PLXND1: variants seen among roughly 807,000 people sequenced by gnomAD.
The protein encoded by PLXND1 is plexin-D1.
PLXND1 carries 54 observed loss-of-function variants against 197.7 expected under a neutral mutation model. The observed-to-expected ratio is 0.27, with a 90% CI of 0.22 to 0.34. The LOEUF is 0.34. Among genes scored for constraint, PLXND1 ranks in the 10% least tolerant of loss-of-function variants. The pLI, the probability that PLXND1 is intolerant of heterozygous loss-of-function variation, is 1.00. For missense variants in PLXND1, 2,127 were observed against 2,699.2 expected (o/e 0.79, Z 4.70); for synonymous variants, 1,180 against 1,161.2 (o/e 1.02, Z -0.33).
At chr3:129,570,225 G>A (rs1019786391) in intron 19 of PLXND1, among the ~76,000 whole-genome samples, 3 of 152,178 alleles carry the variant, frequency 2.0e-5, no homozygotes, top group African/African-American at 7.2e-5. Context: ...GGAGTAGTGA[G>A]TGAGCAAGAG....
rs2085791324 is a variant in PLXND1, at chr3:129,606,188, C to T, written c.452G>A (p.Arg151Gln). 6.4e-7 allele frequency: 1 copy of T among 1,556,478 alleles called. No homozygotes were observed. The highest frequency in any genetic ancestry group is 8.6e-7 in the Non-Finnish European group (1 of 1,157,786). Residue 151 changes from arginine to glutamine, a missense_variant, in exon 1 of 36, where the codon CGG (arginine) becomes CAG (glutamine). Transcript: ENST00000324093. ...GSIYQGFCQL[R>Q]RRGNISAVAV... Reference sequence around the variant, plus strand: ...CACGGCCGAGATGTTGCCCCGGCGCCGCAGCTGGCAGAAGCCCTGGTAGAT... The same window carrying T: ...CACGGCCGAGATGTTGCCCCGGCGCTGCAGCTGGCAGAAGCCCTGGTAGAT...
chr3:129,563,287 G>A, intron 25 of PLXND1, 47 bp from the exon 26 acceptor site: 1 of 1,523,144 alleles, frequency 6.6e-7, no homozygotes, highest in Non-Finnish European at 8.8e-7. Context: ...CTGTATTCCA[G>A]CCCCCATGCT....
intron 12 of PLXND1, among the ~76,000 whole-genome samples, chr3:129,573,981 G>A (rs961584588): frequency 2.0e-5 from 3 of 152,340 alleles, no homozygotes; most frequent in Non-Finnish European, 4.4e-5. Context: ...TACTTAGGGG[G>A]TCTCCTGGAG....
intron 1 of PLXND1, among the ~76,000 whole-genome samples, chr3:129,589,740 C>T (rs1305297547): frequency 1.3e-5 from 2 of 152,176 alleles, no homozygotes; most frequent in African/African-American, 4.8e-5. Context: ...CAGAGCTGTT[C>T]CAAGGAGATG....
Position 129,555,727 on chromosome 3 carries a change from C to T in PLXND1, c.*585G>A, listed in dbSNP as rs1302685890. 3.3e-5 allele frequency: 17 copies of T among 509,830 alleles called. No homozygotes were observed. Among genetic ancestry groups the T allele is most frequent in the South Asian group, 1.2e-4 (4 of 34,032 alleles). 31.6% of individuals were successfully genotyped at this position (509,830 alleles called of 1,614,324 possible). A position where few individuals can be genotyped will look rare whatever the true frequency, so the allele number is the denominator to read the frequency against. On this transcript the variant is annotated 3_prime_UTR_variant, in exon 36 of 36. Coordinates refer to ENST00000324093, the MANE Select transcript of PLXND1 (RefSeq NM_015103.3). Reference sequence around the variant, plus strand: ...GAGAAGCCCACAGAGCACCCCATGGCGCGGGCACTGCCCACTCTACCAACA... The same window carrying T: ...GAGAAGCCCACAGAGCACCCCATGGTGCGGGCACTGCCCACTCTACCAACA...
chr3:129,578,246 C>T, intron 9 of PLXND1, 83 bp downstream of exon 9: 1 of 838,556 alleles, frequency 1.2e-6, no homozygotes, highest in Non-Finnish European at 2.0e-6. Flanking sequence ...AGGGGTCACA[C>T]CAGGACATGG....
chr3:129,573,052 A>G (rs147833870), intron 13 of PLXND1, 111 bp from the exon 14 acceptor site: 4 of 714,196 alleles, frequency 5.6e-6, no homozygotes, highest in African/African-American at 5.3e-5. Flanking sequence ...AATGCCTTCT[A>G]TGTATAATTT....
chr3:129,564,404 G>A (rs1413829703), intron 25 of PLXND1, among the ~76,000 whole-genome samples: 2 of 152,278 alleles, frequency 1.3e-5, no homozygotes, highest in African/African-American at 2.4e-5. Context: ...CCAGCACTTT[G>A]GGAGGCCAAA....
chr3:129,584,354 T>C (rs2811463), intron 6 of PLXND1, 31 bp downstream of exon 6: 1,605,199 of 1,608,662 alleles, frequency 1, 800,943 homozygotes, highest in East Asian at 1. Flanking sequence ...TCTGCCCCTC[T>C]GGGGCTGTGC....
rs894316563 is a variant in PLXND1 at position 129,570,028 on chromosome 3, G to C, written c.3751-71C>G. The stretch of plus-strand genomic sequence containing the variant: ...ACTCTAGTTCTGCTCCTCACTTGCT[G>C]TGTGGCCCTGGGTAAATTACCTAAC... On this transcript the variant is annotated intron_variant, in intron 19 of 35. Coordinates refer to ENST00000324093, the MANE Select transcript of PLXND1 (RefSeq NM_015103.3). 2.5e-5 allele frequency: 22 copies of C among 868,592 alleles called. No homozygotes were observed. In the African/African-American group the frequency reaches 3.0e-4, roughly 12 times the overall value. 53.8% of individuals were successfully genotyped at this position (868,592 alleles called of 1,614,324 possible).
chr3:129,589,318 C>T, intron 2 of PLXND1, 33 bp downstream of exon 2: 1 of 801,906 alleles, frequency 1.2e-6, no homozygotes, highest in South Asian at 1.5e-5. Context: ...CCTCCCACCC[C>T]CACCCCCTCC....
At chr3:129,578,569 C>T in intron 8 of PLXND1, 136 bp from the exon 9 acceptor site, 1 of 608,216 alleles carries the variant, frequency 1.6e-6, no homozygotes, top group Non-Finnish European at 2.9e-6. Context: ...TCCTAACGGC[C>T]ACCAGCCCCA....
Position 129,560,447 on chromosome 3 carries a change from G to T in PLXND1, c.5029-13C>A. ...CCGTAGGCAGCACCTGGGAGGCCGG[G>T]CAGTGGTCAGTGTCCGCACCAGGCC... On this transcript the variant is annotated splice_polypyrimidine_tract_variant and intron_variant, in intron 30 of 35. Transcript: ENST00000324093. 1.9e-6 allele frequency: 3 copies of T among 1,580,466 alleles called. No homozygotes were observed. Among genetic ancestry groups the T allele is most frequent in the Non-Finnish European group, 2.6e-6 (3 of 1,150,192 alleles).
In PLXND1 at chr3:129,557,089, C is replaced by T; in HGVS notation, c.5580G>A (p.Glu1860=). The part of the protein sequence containing the change: ...EQEMNAHLAE[E]SRKYQNEFNT... ...CGCCGCCGAGCCACCGCACCCTCGA[C>T]TCCTCGGCCAGATGGGCATTCATCT... Residue 1860 remains glutamate, a synonymous_variant, in exon 34 of 36, where the codon GAG becomes GAA. Transcript: ENST00000324093. This position sits in a 1 kb window ranked among gnomAD's most constrained non-coding sequence, Gnocchi z 4.8. 6.2e-7 allele frequency: 1 copy of T among 1,614,004 alleles called. No individual in the cohort carries two copies. The highest frequency in any genetic ancestry group is 8.5e-7 in the Non-Finnish European group (1 of 1,180,020).
At chr3:129,593,222 G>A (rs1005084501) in intron 1 of PLXND1, among the ~76,000 whole-genome samples, 2 of 151,996 alleles carry the variant, frequency 1.3e-5, no homozygotes, top group Admixed American at 6.6e-5. Context: ...CAAGGCCTTC[G>A]TGCCCCAGCT....
intron 30 of PLXND1, 75 bp downstream of exon 30, chr3:129,560,614 G>C (rs2085043325): frequency 2.5e-6 from 3 of 1,202,266 alleles, no homozygotes; most frequent in Non-Finnish European, 3.7e-6. Context: ...TTTCCCAAGA[G>C]GCCCAGGGCC....
rs115089294 is a variant in PLXND1, at chr3:129,590,373, G to A, written c.1312-846C>T. Among the ~76,000 whole-genome samples the A allele has an allele frequency of 2.2e-3, 338 of 152,200 alleles. 3 individuals are homozygous for A. Among genetic ancestry groups the A allele is most frequent in the African/African-American group, 7.7e-3 (318 of 41,522 alleles). On this transcript the variant is annotated intron_variant, in intron 1 of 35. Transcript: ENST00000324093. The stretch of plus-strand genomic sequence containing the variant: ...GGTCTTGGTATGTTCAAAGGTTCCT[G>A]GTGCAATTTGCACAAAAATAGAAAA...
Position 129,571,086 on chromosome 3 carries a change from T to C in PLXND1, c.3554A>G (p.Lys1185Arg). 2 of 1,614,174 alleles carry C rather than the reference T, an allele frequency of 1.2e-6. No individual in the cohort carries two copies. Among genetic ancestry groups the C allele is most frequent in the South Asian group, 1.1e-5 (1 of 91,086 alleles). The change falls in exon 18 of 36, where the codon AAG becomes AGG. Residue 1185 changes from lysine to arginine, a missense_variant. Coordinates refer to ENST00000324093, the MANE Select transcript of PLXND1 (RefSeq NM_015103.3). ...NPQFSTAKREKWIKHHPGEPL... is the reference protein window; with the variant it reads ...NPQFSTAKRERWIKHHPGEPL... The stretch of plus-strand genomic sequence containing the variant: ...CTCCCCGGGGTGGTGCTTGATCCAC[T>C]TCTCCCTCTTGGCCGTAGAGAACTG...
At position 129,571,709 on chromosome 3, in the gene PLXND1, G is replaced by A. The variant is rs979561492; in HGVS notation, c.3213C>T (p.Ile1071=). ...GGCTGCGGCGGGGACTGATGGCCGT[G>A]ATGACCGGGTTCTGCATGTACCAGA... The part of the protein sequence containing the change: ...LTFWYMQNPV[I]TAISPRRSPV... Residue 1071 remains isoleucine, a synonymous_variant, in exon 16 of 36, where the codon ATC becomes ATT. Transcript: ENST00000324093. 2 of 1,613,742 alleles carry A rather than the reference G, an allele frequency of 1.2e-6. No homozygotes were observed. The highest frequency in any genetic ancestry group is 1.3e-5 in the African/African-American group (1 of 74,932).
Sources: gnomAD v4.1 joint callset for allele counts (sites outside exome capture counted in the v4.1 genomes callset) on GRCh38, gnomAD v4.1.1 for gene constraint, Gnocchi (gnomAD v3.1) non-coding constraint, MANE v1.5 for transcripts, NCBI Gene and HGNC (gene_info 2026-07-23, HGNC 2026-07-21) for gene names.